Variants in MRTFB observed in about 807,000 individuals in gnomAD.
The protein encoded by MRTFB is myocardin related transcription factor B.
A neutral mutation model predicts 104.2 loss-of-function variants in MRTFB; 29 were observed. The ratio of observed to expected loss-of-function variants is 0.28; its 90% CI spans 0.21 to 0.38. MRTFB has a LOEUF of 0.38. Among genes scored for constraint, MRTFB ranks in the 10% least tolerant of loss-of-function variants. The pLI, the probability that MRTFB is intolerant of heterozygous loss-of-function variation, is 1.00. For synonymous variants in MRTFB, 535 were observed against 519.5 expected, an observed-to-expected ratio of 1.03 and a Z score of -0.41; for missense variants, 1,270 against 1,341.6, an observed-to-expected ratio of 0.95 and a Z score of 0.83.
At chr16:14,112,688 G>C (rs1469285072) in intron 2 of MRTFB, among the ~76,000 whole-genome samples, 1 of 152,224 alleles carries the variant, frequency 6.6e-6, no homozygotes, top group African/African-American at 2.4e-5. Flanking sequence ...TTCTGCTCCA[G>C]GCACTGGCCT....
chr16:14,091,824 G>T (rs575164282), intron 2 of MRTFB, among the ~76,000 whole-genome samples: 38 of 151,714 alleles, frequency 2.5e-4, no homozygotes, highest in African/African-American at 9.2e-4. Context: ...GTAAAACCCC[G>T]TCTCTACTAA....
chr16:14,134,222 A>G (rs1035271665), intron 2 of MRTFB, among the ~76,000 whole-genome samples: 1 of 152,218 alleles, frequency 6.6e-6, no homozygotes, highest in African/African-American at 2.4e-5. Flanking sequence ...GGAATGTTAT[A>G]TAACTTTTTC....
intron 3 of MRTFB, among the ~76,000 whole-genome samples, chr16:14,163,538 TAAC>T (rs984640519): frequency 2.0e-5 from 3 of 152,232 alleles, no homozygotes; most frequent in African/African-American, 7.2e-5. Flanking sequence ...ATATTGCACT[TAAC>T]AAACTTTTGG....
At chr16:14,098,879 A>G (rs1265281240) in intron 2 of MRTFB, among the ~76,000 whole-genome samples, 2 of 152,248 alleles carry the variant, frequency 1.3e-5, no homozygotes, top group African/African-American at 4.8e-5. Flanking sequence ...TCTTTATAAA[A>G]AAATCAGTTG....
intron 3 of MRTFB, among the ~76,000 whole-genome samples, chr16:14,164,421 A>G (rs1330557834): frequency 6.6e-6 from 1 of 151,904 alleles, no homozygotes; most frequent in Non-Finnish European, 1.5e-5. Flanking sequence ...TAATGGTTGA[A>G]TAGTATTCTG....
chr16:14,078,801 A>G (rs1293859673), intron 1 of MRTFB, among the ~76,000 whole-genome samples: 1 of 145,080 alleles, frequency 6.9e-6, no homozygotes, highest in Non-Finnish European at 1.5e-5. Context: ...TTATTATTAT[A>G]TAATAACATT....
intron 3 of MRTFB, among the ~76,000 whole-genome samples, chr16:14,164,466 A>G (rs1311202307): frequency 6.6e-6 from 1 of 150,908 alleles, no homozygotes; most frequent in Non-Finnish European, 1.5e-5. Flanking sequence ...GGGGTGGGGG[A>G]TGGGGGTGTT....
Position 14,081,815 on chromosome 16 carries a change from AAGCAGTCC to A in MRTFB, c.-64+2463_-64+2470del, listed in dbSNP as rs1234662812. On this transcript the variant is annotated intron_variant, in intron 2 of 16. Coordinates refer to ENST00000571589, the MANE Select transcript of MRTFB (RefSeq NM_001308142.2). Reference sequence around the variant, plus strand: ...CAGGCTGGTCTCAGACTCTGGGCTCAAGCAGTCCACCCGCCTCGGCTTCCCAAAGTGCT... The same window carrying A: ...CAGGCTGGTCTCAGACTCTGGGCTCAACCCGCCTCGGCTTCCCAAAGTGCT... Among the ~76,000 whole-genome samples, 9 of 146,168 alleles carry A rather than the reference AAGCAGTCC, an allele frequency of 6.2e-5. No homozygotes were observed. The East Asian group carries it at 1.8e-3, about 30-fold the overall frequency.
the MRTFB span, among the ~76,000 whole-genome samples, chr16:14,065,928 T>C: frequency 0.027 from 4,085 of 152,212 alleles, 72 homozygotes; most frequent in Middle Eastern, 0.085. Context: ...TACCCTTCCA[T>C]CCAGCCATTT....
intron 10 of MRTFB, among the ~76,000 whole-genome samples, chr16:14,244,368 A>G (rs2042923955): frequency 6.6e-6 from 1 of 152,326 alleles, no homozygotes; most frequent in African/African-American, 2.4e-5. Flanking sequence ...GTCTTTTGGC[A>G]TACATACATG....
At chr16:14,164,586 T>G (rs1353904853) in intron 3 of MRTFB, among the ~76,000 whole-genome samples, 1 of 152,230 alleles carries the variant, frequency 6.6e-6, no homozygotes, top group Non-Finnish European at 1.5e-5. Context: ...GGTATCCCTT[T>G]GATAGACTAG....
intron 13 of MRTFB, among the ~76,000 whole-genome samples, chr16:14,251,497 A>G (rs1280809332): frequency 6.6e-6 from 1 of 152,218 alleles, no homozygotes; most frequent in African/African-American, 2.4e-5. Context: ...TTTTTCCACA[A>G]AGCTCTGTCT....
chr16:14,232,072 T>A (rs1443420438), intron 8 of MRTFB, among the ~76,000 whole-genome samples: 1 of 152,166 alleles, frequency 6.6e-6, no homozygotes, highest in African/African-American at 2.4e-5. Flanking sequence ...TGATACTACA[T>A]CCATGCTCCT....
intron 5 of MRTFB, among the ~76,000 whole-genome samples, chr16:14,212,649 GAAC>G (rs2041242654): frequency 6.6e-6 from 1 of 152,152 alleles, no homozygotes; most frequent in Non-Finnish European, 1.5e-5. Context: ...TGTACAAAAA[GAAC>G]AAATCATACT....
chr16:14,105,786 C>T (rs1397892111), intron 2 of MRTFB, among the ~76,000 whole-genome samples: 2 of 152,160 alleles, frequency 1.3e-5, no homozygotes, highest in African/African-American at 2.4e-5. Flanking sequence ...ATAAGCTTTA[C>T]TGTCATTATT....
chr16:14,114,631 G>T (rs1016188558), intron 2 of MRTFB, among the ~76,000 whole-genome samples: 8 of 152,034 alleles, frequency 5.3e-5, no homozygotes, highest in African/African-American at 1.9e-4. Context: ...CCTATTCTCT[G>T]GTTTGCTTCA....
chr16:14,243,830 T>G (rs1268040820), intron 10 of MRTFB, among the ~76,000 whole-genome samples: 1 of 151,696 alleles, frequency 6.6e-6, no homozygotes, highest in East Asian at 1.9e-4. Flanking sequence ...TCATCCTGAC[T>G]TCTATCCCCA....
Position 14,251,978 on chromosome 16 carries a change from T to C in MRTFB, c.2520T>C (p.Asn840=), listed in dbSNP as rs761882425. The change falls in exon 14 of 17, where the codon AAT becomes AAC. Residue 840 remains asparagine, a synonymous_variant. Coordinates refer to ENST00000571589, the MANE Select transcript of MRTFB (RefSeq NM_001308142.2). ...KASNSVLQSR[N]APLPSLQNGP... is the part of the protein sequence containing the mutation. ...CCAACAGTGTTCTTCAATCCAGAAA[T>C]GCTCCGCTTCCATCCCTGCAAAATG... 4 of 1,614,162 alleles carry C rather than the reference T, an allele frequency of 2.5e-6. No homozygotes were observed. In the South Asian group the frequency reaches 4.4e-5, roughly 18 times the overall value.
chr16:14,144,359 A>G (rs1259947851), intron 3 of MRTFB: 2 of 152,226 alleles, frequency 1.3e-5, no homozygotes, highest in Non-Finnish European at 2.9e-5. Context: ...TAATTTGCAT[A>G]TACATTCCAA....
Sources: gnomAD v4.1 joint callset for allele counts (sites outside exome capture counted in the v4.1 genomes callset) on GRCh38, gnomAD v4.1.1 for gene constraint, MANE v1.5 for transcripts, NCBI Gene and HGNC (gene_info 2026-07-23, HGNC 2026-07-21) for gene names.